The following RAD51C variants were observed in gnomAD, a reference collection of about 807,000 sequenced individuals.
RAD51C encodes the protein RAD51 paralog C.
A neutral mutation model predicts 45.0 loss-of-function variants in RAD51C; 42 were observed. That is an observed-to-expected ratio of 0.93 (90% CI 0.73 to 1.21). The LOEUF (loss-of-function observed/expected upper bound fraction) is 1.21. Among genes scored for constraint, RAD51C ranks in the 50% most tolerant of loss-of-function variants. The pLI is 0.00. For missense variants in RAD51C, 474 were observed against 452.2 expected (o/e 1.05, Z -0.44); for synonymous variants, 172 against 159.8 (o/e 1.08, Z -0.58).
chr17:58,703,654 T>A (rs576287682), intron 4 of RAD51C, among the ~76,000 whole-genome samples: 1 of 152,220 alleles, frequency 6.6e-6, no homozygotes, highest in African/African-American at 2.4e-5. Flanking sequence ...TTCTAGTGCC[T>A]CTCCCCAAAG....
intron 5 of RAD51C, among the ~76,000 whole-genome samples, chr17:58,716,209 T>C (rs1334248243): frequency 6.6e-6 from 1 of 152,176 alleles, no homozygotes; most frequent in Non-Finnish European, 1.5e-5. Context: ...GTAATATAAT[T>C]GCTATATAAA....
At chr17:58,706,504 A>G (rs1369487396) in intron 4 of RAD51C, 1 of 445,388 alleles carries the variant, frequency 2.2e-6, no homozygotes, top group Admixed American at 2.7e-5. Flanking sequence ...CTGCAGTAGC[A>G]GAATCACCCT....
Position 58,709,909 on chromosome 17 carries a change from A to G in RAD51C, c.756A>G (p.Leu252=), listed in dbSNP as rs863224437. The stretch of plus-strand genomic sequence containing the variant: ...TTGCTTTTCCATTTCGTCATGACCT[A>G]GATGACCTGTCTCTTCGTACTCGGT... ...DGIAFPFRHD[L]DDLSLRTRLL... The change falls in exon 5 of 9, where the codon CTA becomes CTG. Residue 252 remains leucine (L), a synonymous_variant. Coordinates refer to ENST00000337432, the MANE Select transcript of RAD51C (RefSeq NM_058216.3). 1.2e-6 allele frequency: 2 copies of G among 1,611,216 alleles called. No homozygotes were observed. The highest frequency in any genetic ancestry group is 1.1e-5 in the South Asian group (1 of 91,022).
At chr17:58,731,778 G>T (rs1204569477) in intron 7 of RAD51C, among the ~76,000 whole-genome samples, 1 of 151,962 alleles carries the variant, frequency 6.6e-6, no homozygotes, top group Non-Finnish European at 1.5e-5. Context: ...AGAGATGGGG[G>T]TCTCACTATG....
intron 4 of RAD51C, chr17:58,706,079 A>G: frequency 6.6e-6 from 1 of 152,220 alleles, no homozygotes; most frequent in East Asian, 1.9e-4. Context: ...GAACATTCCC[A>G]AAAGGATTAT....
In RAD51C at chr17:58,735,245, G is replaced by C. The variant is rs1485812231; in HGVS notation, c.*1023G>C. 6.6e-6 allele frequency: 1 copy of C among 152,250 alleles called. No individual in the cohort carries two copies. The highest frequency in any genetic ancestry group is 2.4e-5 in the African/African-American group (1 of 41,434). The allele number at this position is 152,250 out of a possible 1,614,324, so 9.4% of individuals were successfully genotyped here. A position where few individuals can be genotyped will look rare whatever the true frequency, so the allele number is the denominator to read the frequency against. ...AGGTCTCACTCCGTCACCCAGGCTG[G>C]AGTGCAGTGGCATGATCATAGCTCA... On this transcript the variant is annotated 3_prime_UTR_variant, in exon 9 of 9. Coordinates refer to ENST00000337432, the MANE Select transcript of RAD51C (RefSeq NM_058216.3).
chr17:58,713,094 C>T (rs1358332147), intron 5 of RAD51C, among the ~76,000 whole-genome samples: 2 of 152,128 alleles, frequency 1.3e-5, no homozygotes, highest in African/African-American at 4.8e-5. Flanking sequence ...CCACTGCACT[C>T]CAGCCTAGGC....
chr17:58,696,795 G>T lies in RAD51C; in HGVS notation c.507G>T (p.Val169=). 1 of 1,614,136 alleles carries T rather than the reference G, an allele frequency of 6.2e-7. No individual in the cohort carries two copies. The highest frequency in any genetic ancestry group is 8.5e-7 in the Non-Finnish European group (1 of 1,180,018). Residue 169 remains valine (V), a synonymous_variant, in exon 3 of 9, where the codon GTG becomes GTT. Transcript: ENST00000337432. ...AGGGAAGTTTTATGGTTGATAGAGT[G>T]GTAGACCTTGCTACTGCCTGCATTC... ...DTEGSFMVDR[V]VDLATACIQH...
Position 58,709,801 on chromosome 17 carries a change from TTTA to T in RAD51C, c.706-46_706-44del, listed in dbSNP as rs886038710. 69 of 1,495,632 alleles carry T rather than the reference TTTA, an allele frequency of 4.6e-5. No individual in the cohort carries two copies. The African/African-American group carries it at 6.4e-4, about 14-fold the overall frequency. 92.6% of individuals were successfully genotyped at this position (1,495,632 alleles called of 1,614,324 possible). A position where few individuals can be genotyped will look rare whatever the true frequency, so the allele number is the denominator to read the frequency against. Reference sequence around the variant, plus strand: ...TGCTCTCTTGGAGAGAGAGAGCATTTTTATTATTATTATTTTATTTTTCGTAAC... The same window carrying T: ...TGCTCTCTTGGAGAGAGAGAGCATTTTTATTATTATTTTATTTTTCGTAAC... On this transcript the variant is annotated intron_variant, in intron 4 of 8. Coordinates refer to ENST00000337432, the MANE Select transcript of RAD51C (RefSeq NM_058216.3).
rs587781921 is a variant in RAD51C, at chr17:58,703,244, A to G, written c.620A>G (p.His207Arg). The change falls in exon 4 of 9, where the codon CAT becomes CGT. Residue 207 changes from histidine to arginine, a missense_variant. His to Arg is a conservative substitution (Grantham distance 29). Coordinates refer to ENST00000337432, the MANE Select transcript of RAD51C (RefSeq NM_058216.3). ...EDFTLDNILSHIYYFRCRDYT... is the reference protein window; with the variant it reads ...EDFTLDNILSRIYYFRCRDYT... Reference sequence around the variant, plus strand: ...TTCACTCTTGATAATATTCTTTCTCATATTTATTATTTTCGCTGTCGTGAC... The same window carrying G: ...TTCACTCTTGATAATATTCTTTCTCGTATTTATTATTTTCGCTGTCGTGAC... The G allele has an allele frequency of 7.5e-6, 12 of 1,608,134 alleles. No individual in the cohort carries two copies. Among genetic ancestry groups the G allele is most frequent in the Non-Finnish European group, 1.0e-5 (12 of 1,174,828 alleles).
chr17:58,692,734 G>A lies in RAD51C; in HGVS notation c.91G>A (p.Gly31Arg), dbSNP rs747492326. 2 of 1,614,258 alleles carry A rather than the reference G, an allele frequency of 1.2e-6. No individual in the cohort carries two copies. The highest frequency in any genetic ancestry group is 2.2e-5 in the South Asian group (2 of 91,090). The change falls in exon 1 of 9, where the codon GGG becomes AGG. Residue 31 changes from glycine (G) to arginine (R), a missense_variant. Transcript: ENST00000337432. ...GGTGCGGGTGAAGCTGGTGTCTGCGGGGTTCCAGACTGCTGAGGAACTCCT... is the reference window on the plus strand; with the variant it reads ...GGTGCGGGTGAAGCTGGTGTCTGCGAGGTTCCAGACTGCTGAGGAACTCCT... The part of the protein sequence containing the change: ...PAVRVKLVSA[G>R]FQTAEELLEV...
chr17:58,725,159 C>A (rs1427554121), intron 7 of RAD51C, among the ~76,000 whole-genome samples: 2 of 152,018 alleles, frequency 1.3e-5, no homozygotes, highest in African/African-American at 4.8e-5. Flanking sequence ...TTGACTGTCG[C>A]CCCCTAATTT....
intron 3 of RAD51C, among the ~76,000 whole-genome samples, chr17:58,701,323 A>T (rs946577468): frequency 6.6e-6 from 1 of 151,766 alleles, no homozygotes; most frequent in African/African-American, 2.4e-5. Context: ...CCTTGCTAAC[A>T]TGGTGAAACC....
chr17:58,724,993 G>A (rs1288486113), intron 7 of RAD51C, among the ~76,000 whole-genome samples: 4 of 152,144 alleles, frequency 2.6e-5, no homozygotes, highest in African/African-American at 9.7e-5. Flanking sequence ...GCCTGACCAA[G>A]TTAGGTTTTA....
At chr17:58,723,468 G>A (rs1295703779) in intron 6 of RAD51C, among the ~76,000 whole-genome samples, 1 of 151,536 alleles carries the variant, frequency 6.6e-6, no homozygotes, top group Non-Finnish European at 1.5e-5. Context: ...CTCCCCCCAA[G>A]AGGCAACCAC....
At chr17:58,700,724 G>A (rs570463637) in intron 3 of RAD51C, among the ~76,000 whole-genome samples, 79 of 152,246 alleles carry the variant, frequency 5.2e-4, no homozygotes, top group African/African-American at 1.9e-3. Context: ...ACAGGCGTGA[G>A]CCACCACACC....
intron 1 of RAD51C, 108 bp from the exon 2 acceptor site, chr17:58,694,823 C>G (rs1213444657): frequency 1.1e-5 from 12 of 1,070,908 alleles, no homozygotes; most frequent in Admixed American, 3.6e-5. Flanking sequence ...TTATGTTTCT[C>G]CACTCCTAGC....
intron 3 of RAD51C, among the ~76,000 whole-genome samples, chr17:58,702,895 C>T (rs987253729): frequency 2.7e-4 from 41 of 151,884 alleles, no homozygotes; most frequent in Non-Finnish European, 8.8e-5. Context: ...AGGTGGGGGG[C>T]GGCGACGGAT....
intron 5 of RAD51C, among the ~76,000 whole-genome samples, chr17:58,720,039 G>T (rs1365181893): frequency 6.7e-6 from 1 of 149,398 alleles, no homozygotes; most frequent in East Asian, 2.0e-4. Flanking sequence ...GCCTCCCAAA[G>T]TGCTGGGATT....
Sources: allele counts gnomAD v4.1 joint callset (sites outside exome capture counted in the v4.1 genomes callset), GRCh38; gene constraint gnomAD v4.1.1; transcripts MANE v1.5; gene names NCBI Gene and HGNC (gene_info 2026-07-23, HGNC 2026-07-21).